The following FGF14 variants were observed in gnomAD, a reference collection of about 807,000 sequenced individuals.
FGF14 encodes the protein fibroblast growth factor homologous factor 4.
A neutral mutation model predicts 25.5 loss-of-function variants in FGF14; 5 were observed. The ratio of observed to expected loss-of-function variants is 0.20; its 90% CI spans 0.10 to 0.41. The LOEUF (loss-of-function observed/expected upper bound fraction) is 0.41, where lower values mean the gene tolerates loss of function less well. Ranked by LOEUF, FGF14 falls within the 10% of genes least tolerant of loss-of-function variation. FGF14 has a pLI of 1.00. For missense variants in FGF14, 222 were observed against 320.1 expected, an observed-to-expected ratio of 0.69 and a Z score of 2.34; for synonymous variants, 138 against 118.3, an observed-to-expected ratio of 1.17 and a Z score of -1.08.
At chr13:102,236,672 T>C (rs1335417854) in intron 1 of FGF14, among the ~76,000 whole-genome samples, 1 of 152,114 alleles carries the variant, frequency 6.6e-6, no homozygotes, top group Non-Finnish European at 1.5e-5. Flanking sequence ...ACCTCTGGAA[T>C]AGGAGTTAGA....
At chr13:101,838,952 C>A (rs1480700757) in intron 3 of FGF14, among the ~76,000 whole-genome samples, 2 of 151,998 alleles carry the variant, frequency 1.3e-5, no homozygotes, top group East Asian at 3.9e-4. Flanking sequence ...GTATCTCTTA[C>A]AAATATCAAG....
intron 1 of FGF14, among the ~76,000 whole-genome samples, chr13:102,032,390 G>A (rs779557109): frequency 4.1e-4 from 63 of 152,082 alleles, no homozygotes; most frequent in Non-Finnish European, 7.8e-4. Flanking sequence ...AAGAGAGCTG[G>A]AGGAATTGCA....
chr13:102,016,177 T>C (rs528546355), intron 1 of FGF14, among the ~76,000 whole-genome samples: 1 of 152,264 alleles, frequency 6.6e-6, no homozygotes, highest in East Asian at 1.9e-4. Context: ...GTAGTTTAAC[T>C]GTAATCTACA....
At chr13:101,933,073 AAT>A in intron 1 of FGF14, among the ~76,000 whole-genome samples, 1 of 152,318 alleles carries the variant, frequency 6.6e-6, no homozygotes, top group Non-Finnish European at 1.5e-5. Flanking sequence ...ACTTGATCAT[AAT>A]ATGAAGATGA....
intron 1 of FGF14, among the ~76,000 whole-genome samples, chr13:101,942,555 A>G (rs879044620): frequency 2.0e-5 from 3 of 152,204 alleles, no homozygotes; most frequent in Admixed American, 2.0e-4. Context: ...TCTGCAAATT[A>G]TATCTCTCTG....
intron 3 of FGF14, among the ~76,000 whole-genome samples, chr13:101,797,167 C>G (rs901315840): frequency 6.6e-6 from 1 of 152,150 alleles, no homozygotes. Flanking sequence ...TGTAAACTTA[C>G]TGAATGCATT....
chr13:102,166,555 G>C (rs1007570137), intron 1 of FGF14, among the ~76,000 whole-genome samples: 1 of 152,060 alleles, frequency 6.6e-6, no homozygotes, highest in Non-Finnish European at 1.5e-5. Context: ...TATTTTTTGA[G>C]TTTTTGGAGT....
intron 3 of FGF14, among the ~76,000 whole-genome samples, chr13:101,801,317 G>A (rs2040854293): frequency 6.6e-6 from 1 of 151,972 alleles, no homozygotes; most frequent in Admixed American, 6.6e-5. Flanking sequence ...TATATTTACT[G>A]CATATTCAGT....
In FGF14 at chr13:102,052,465, A is replaced by AAATTTTTGAAAATTTGAAAAATTGTAACC. The variant is rs1187007267; in HGVS notation, c.209-177198_209-177170dup. Among the ~76,000 whole-genome samples, 120 of 152,120 alleles carry AAATTTTTGAAAATTTGAAAAATTGTAACC rather than the reference A, an allele frequency of 7.9e-4. No homozygotes were observed. The Middle Eastern group carries it at 0.02, about 26-fold the overall frequency. ...GATTTTTCAAAAATTGGATTTCTGA[A>AAATTTTTGAAAATTTGAAAAATTGTAACC]AATTTTTGAAAATTTGAAAAATTGT... On this transcript the variant is annotated intron_variant, in intron 1 of 4. Transcript: ENST00000376131.
At chr13:102,160,237 C>G in intron 1 of FGF14, among the ~76,000 whole-genome samples, 1 of 152,174 alleles carries the variant, frequency 6.6e-6, no homozygotes, top group East Asian at 1.9e-4. Flanking sequence ...GCATCCTCCA[C>G]GCTTCCTCAG....
chr13:102,264,028 A>G (rs541285319), intron 1 of FGF14, among the ~76,000 whole-genome samples: 22 of 145,522 alleles, frequency 1.5e-4, no homozygotes, highest in Non-Finnish European at 3.1e-4. Context: ...TTTTTTTAGC[A>G]TATCTGAGAT....
Position 101,719,020 on chromosome 13 carries a change from T to G in FGF14, c.*3811A>C, listed in dbSNP as rs902726584. ...TTAGCCCAGTCGCTTTCCCTTGATA[T>G]AGCCTTGTTCTGAATTAAAATGGAA... On this transcript the variant is annotated 3_prime_UTR_variant, in exon 5 of 5. Transcript: ENST00000376143. 8 of 152,124 alleles carry G rather than the reference T, an allele frequency of 5.3e-5. No homozygotes were observed. The highest frequency in any genetic ancestry group is 1.2e-4 in the Non-Finnish European group (8 of 68,012). 9.4% of individuals were successfully genotyped at this position (152,124 alleles called of 1,614,324 possible). A position where few individuals can be genotyped will look rare whatever the true frequency, so the allele number is the denominator to read the frequency against.
intron 1 of FGF14, among the ~76,000 whole-genome samples, chr13:102,033,488 C>T (rs1400322587): frequency 6.9e-6 from 1 of 144,046 alleles, no homozygotes; most frequent in Non-Finnish European, 1.5e-5. Context: ...CCTACGCTTG[C>T]GTGTGCACGC....
intron 1 of FGF14, among the ~76,000 whole-genome samples, chr13:101,954,216 G>A (rs2493595): frequency 0.43 from 64,876 of 150,522 alleles, 15,897 homozygotes; most frequent in East Asian, 0.7. Flanking sequence ...ACTCTGTAAC[G>A]TCAAAAAACC....
chr13:101,740,355 G>C (rs1021997368), intron 3 of FGF14, among the ~76,000 whole-genome samples: 1 of 152,108 alleles, frequency 6.6e-6, no homozygotes, highest in African/African-American at 2.4e-5. Context: ...GGCTAGTCTG[G>C]CCAAAATGTG....
intron 1 of FGF14, among the ~76,000 whole-genome samples, chr13:101,954,597 A>G (rs2036392135): frequency 6.6e-6 from 1 of 152,226 alleles, no homozygotes; most frequent in Middle Eastern, 3.2e-3. Context: ...TTCTTCAATA[A>G]AAGGCTAAGG....
At chr13:102,265,003 A>C (rs970822043) in intron 1 of FGF14, among the ~76,000 whole-genome samples, 1 of 152,170 alleles carries the variant, frequency 6.6e-6, no homozygotes, top group African/African-American at 2.4e-5. Flanking sequence ...ATAAAGAAAC[A>C]CAGTCCTTCA....
intron 1 of FGF14, among the ~76,000 whole-genome samples, chr13:101,903,819 A>G (rs2031881930): frequency 6.6e-6 from 1 of 152,228 alleles, no homozygotes; most frequent in African/African-American, 2.4e-5. Flanking sequence ...CAGCATCTAG[A>G]GGACAGTCCT....
intron 1 of FGF14, among the ~76,000 whole-genome samples, chr13:102,193,912 T>C (rs1341799380): frequency 6.6e-6 from 1 of 152,078 alleles, no homozygotes; most frequent in Non-Finnish European, 1.5e-5. Flanking sequence ...TTTTTTATTA[T>C]AATTTTTGTC....
Sources: allele counts gnomAD v4.1 joint callset (sites outside exome capture counted in the v4.1 genomes callset), GRCh38; gene constraint gnomAD v4.1.1; transcripts MANE v1.5; gene names NCBI Gene and HGNC (gene_info 2026-07-23, HGNC 2026-07-21).